The following PTPRD variants were observed in gnomAD, a reference collection of about 807,000 sequenced individuals.
PTPRD encodes receptor-type tyrosine-protein phosphatase delta.
A neutral mutation model predicts 214.5 loss-of-function variants in PTPRD; 34 were observed. The ratio of observed to expected loss-of-function variants is 0.16; its 90% CI spans 0.12 to 0.21. The LOEUF is 0.21. Ranked by LOEUF, PTPRD falls within the 10% of genes least tolerant of loss-of-function variation. The pLI, the probability that PTPRD is intolerant of heterozygous loss-of-function variation, is 1.00. For missense variants in PTPRD, 2,545 were observed against 2,398.7 expected (o/e 1.06, Z -1.27); for synonymous variants, 1,128 against 845.7 (o/e 1.33, Z -5.79).
At chr9:9,453,933 C>G (rs2092624022) in intron 8 of PTPRD, among the ~76,000 whole-genome samples, 1 of 151,662 alleles carries the variant, frequency 6.6e-6, no homozygotes, top group African/African-American at 2.4e-5. Flanking sequence ...ATGAGATCCA[C>G]TTCTAAAAAA....
At chr9:9,770,236 G>T (rs867033925) in intron 5 of PTPRD, among the ~76,000 whole-genome samples, 7 of 152,192 alleles carry the variant, frequency 4.6e-5, no homozygotes, top group African/African-American at 1.7e-4. Context: ...AAGTGTAAAA[G>T]CGTTCCTATT....
intron 10 of PTPRD, among the ~76,000 whole-genome samples, chr9:9,128,250 G>T (rs1217110166): frequency 6.6e-6 from 1 of 152,044 alleles, no homozygotes; most frequent in Non-Finnish European, 1.5e-5. Flanking sequence ...TAAATATGAG[G>T]TATGTATATC....
intron 4 of PTPRD, among the ~76,000 whole-genome samples, chr9:10,017,028 C>T (rs2096732509): frequency 6.6e-6 from 1 of 152,124 alleles, no homozygotes; most frequent in Non-Finnish European, 1.5e-5. Context: ...GTTGAAACAC[C>T]TTTAGTCTCA....
At chr9:9,711,294 G>C (rs963992673) in intron 7 of PTPRD, among the ~76,000 whole-genome samples, 6 of 152,070 alleles carry the variant, frequency 3.9e-5, no homozygotes, top group African/African-American at 1.4e-4. Flanking sequence ...ATTAACCTTT[G>C]GTAAAATTGG....
At chr9:8,795,234 G>A (rs765756344) in intron 11 of PTPRD, among the ~76,000 whole-genome samples, 10 of 151,846 alleles carry the variant, frequency 6.6e-5, no homozygotes, top group South Asian at 4.2e-4. Context: ...GCATGATCTC[G>A]GCTCACTGCA....
At chr9:10,437,301 A>G (rs2098725783) in intron 2 of PTPRD, among the ~76,000 whole-genome samples, 2 of 151,902 alleles carry the variant, frequency 1.3e-5, no homozygotes, top group African/African-American at 4.8e-5. Flanking sequence ...TGTTACATAC[A>G]TTAAATAGAT....
chr9:8,955,407 T>C (rs1187662388), intron 11 of PTPRD, among the ~76,000 whole-genome samples: 4 of 151,788 alleles, frequency 2.6e-5, no homozygotes, highest in African/African-American at 9.7e-5. Flanking sequence ...GCTCGTAGAC[T>C]CAATTATTCT....
intron 2 of PTPRD, among the ~76,000 whole-genome samples, chr9:10,572,438 C>T (rs2067753244): frequency 6.6e-6 from 1 of 152,152 alleles, no homozygotes; most frequent in South Asian, 2.1e-4. Context: ...CAATATCACA[C>T]TTTGAAGAAA....
chr9:10,104,403 C>G (rs756248661), intron 3 of PTPRD, among the ~76,000 whole-genome samples: 1 of 151,494 alleles, frequency 6.6e-6, no homozygotes, highest in African/African-American at 2.4e-5. Context: ...GTTGAACTTC[C>G]TATATACACG....
chr9:9,754,042 G>A (rs2098546320), intron 6 of PTPRD, among the ~76,000 whole-genome samples: 1 of 151,982 alleles, frequency 6.6e-6, no homozygotes, highest in Non-Finnish European at 1.5e-5. Flanking sequence ...TCACCAGGCT[G>A]GATGATCTGA....
At chr9:9,320,116 C>G (rs188297199) in intron 9 of PTPRD, among the ~76,000 whole-genome samples, 1 of 152,222 alleles carries the variant, frequency 6.6e-6, no homozygotes, top group Admixed American at 6.5e-5. Flanking sequence ...AAAATCAACT[C>G]AAATTTAGGT....
chr9:10,285,807 C>T (rs530133313), intron 3 of PTPRD, among the ~76,000 whole-genome samples: 57 of 151,896 alleles, frequency 3.8e-4, no homozygotes, highest in Middle Eastern at 6.8e-3. Flanking sequence ...AGACCGGTTT[C>T]ACCGTGTTAG....
chr9:10,250,157 A>G (rs1220477161), intron 3 of PTPRD, among the ~76,000 whole-genome samples: 2 of 152,162 alleles, frequency 1.3e-5, no homozygotes, highest in African/African-American at 2.4e-5. Flanking sequence ...CATAAAGTGA[A>G]CATTTATTGT....
chr9:9,091,679 T>A (rs753097943), intron 10 of PTPRD, among the ~76,000 whole-genome samples: 2 of 152,218 alleles, frequency 1.3e-5, no homozygotes, highest in Non-Finnish European at 1.5e-5. Flanking sequence ...TATCTGCCTG[T>A]AACAAGTACT....
intron 30 of PTPRD, among the ~76,000 whole-genome samples, chr9:8,481,714 T>A (rs1209821291): frequency 6.6e-6 from 1 of 152,206 alleles, no homozygotes; most frequent in Non-Finnish European, 1.5e-5. Context: ...GCTTCAATGA[T>A]TCTGTCTTCT....
At chr9:9,211,689 A>C (rs1280329354) in intron 9 of PTPRD, among the ~76,000 whole-genome samples, 4 of 152,258 alleles carry the variant, frequency 2.6e-5, no homozygotes, top group African/African-American at 9.6e-5. Flanking sequence ...TAACATGTTT[A>C]AGAGAATAAC....
intron 5 of PTPRD, among the ~76,000 whole-genome samples, chr9:9,873,226 T>C (rs1345481670): frequency 6.6e-6 from 1 of 152,154 alleles, no homozygotes; most frequent in Non-Finnish European, 1.5e-5. Context: ...CATGGAAAGA[T>C]AAACTGTTCT....
rs1590360336 is a variant in PTPRD at position 10,539,358 on chromosome 9, T to C, written c.-600+73040A>G. ...CGCCATCATGCCGGGCTAATTTTTGTATTTTTAGTAGAGACGGTTTTTTGC... is the reference window on the plus strand; with the variant it reads ...CGCCATCATGCCGGGCTAATTTTTGCATTTTTAGTAGAGACGGTTTTTTGC... On this transcript the variant is annotated intron_variant, in intron 2 of 45. Coordinates refer to ENST00000381196, the MANE Select transcript of PTPRD (RefSeq NM_002839.4). Among the ~76,000 whole-genome samples the C allele has an allele frequency of 2.0e-5, 3 of 152,250 alleles. No individual in the cohort carries two copies. The South Asian group carries it at 6.2e-4, about 32-fold the overall frequency.
chr9:9,838,231 G>C (rs2057363427), intron 5 of PTPRD, among the ~76,000 whole-genome samples: 1 of 152,126 alleles, frequency 6.6e-6, no homozygotes, highest in African/African-American at 2.4e-5. Context: ...ATAAACATAG[G>C]TGTGCATGTG....
Sources: gnomAD v4.1 joint callset for allele counts (sites outside exome capture counted in the v4.1 genomes callset) on GRCh38, gnomAD v4.1.1 for gene constraint, MANE v1.5 for transcripts, NCBI Gene and HGNC (gene_info 2026-07-23, HGNC 2026-07-21) for gene names.